The following LINGO2 variants were observed in gnomAD, a reference collection of about 807,000 sequenced individuals.
The protein encoded by LINGO2 is leucine rich repeat and Ig domain containing 2.
Under a neutral mutation model 30.6 loss-of-function variants are expected in LINGO2, and 14 were observed. That is an observed-to-expected ratio of 0.46 (90% CI 0.30 to 0.72). LINGO2 has a LOEUF of 0.72. Ranked by LOEUF, LINGO2 falls within the 30% of genes least tolerant of loss-of-function variation. The pLI is 0.07. For missense variants in LINGO2, 729 were observed against 751.7 expected (o/e 0.97, Z 0.35); for synonymous variants, 317 against 288.5 (o/e 1.10, Z -1.00).
At chr9:28,040,931 G>A (rs1204397927) in intron 4 of LINGO2, among the ~76,000 whole-genome samples, 2 of 152,124 alleles carry the variant, frequency 1.3e-5, no homozygotes, top group Non-Finnish European at 1.5e-5. Flanking sequence ...TTGACCTATA[G>A]TATATATTCT....
At chr9:28,498,983 T>C (rs1819777008) in intron 1 of LINGO2, among the ~76,000 whole-genome samples, 1 of 152,150 alleles carries the variant, frequency 6.6e-6, no homozygotes, top group East Asian at 1.9e-4. Flanking sequence ...TTTTTTGTCT[T>C]TAAATATCAG....
chr9:28,580,996 T>C (rs1388203674), intron 1 of LINGO2, among the ~76,000 whole-genome samples: 1 of 151,916 alleles, frequency 6.6e-6, no homozygotes, highest in Admixed American at 6.6e-5. Flanking sequence ...ATCAATTCAG[T>C]GGGTGCATAG....
chr9:28,595,302 T>G (rs79996181), intron 1 of LINGO2, among the ~76,000 whole-genome samples: 1 of 152,072 alleles, frequency 6.6e-6, no homozygotes, highest in African/African-American at 2.4e-5. Context: ...TTTGCTTGTT[T>G]GTTTGTTTAG....
At chr9:28,557,447 A>G (rs1206872234) in intron 1 of LINGO2, among the ~76,000 whole-genome samples, 2 of 152,144 alleles carry the variant, frequency 1.3e-5, no homozygotes, top group Non-Finnish European at 2.9e-5. Context: ...CCACAATGAG[A>G]TACCATCTCA....
At chr9:28,671,614 A>G (rs902541874), upstream of LINGO2, among the ~76,000 whole-genome samples, 2 of 152,086 alleles carry the variant, frequency 1.3e-5, no homozygotes, top group Middle Eastern at 3.4e-3. Context: ...ATACAAAGAA[A>G]GAAACTGGGG....
At chr9:28,695,884 A>C in the LINGO2 span, among the ~76,000 whole-genome samples, 2 of 151,930 alleles carry the variant, frequency 1.3e-5, no homozygotes, top group African/African-American at 4.8e-5. Flanking sequence ...AATGGTATTT[A>C]TTTTGGTTTG....
At chr9:28,050,304 G>A (rs759768376) in intron 4 of LINGO2, among the ~76,000 whole-genome samples, 8 of 150,764 alleles carry the variant, frequency 5.3e-5, no homozygotes, top group Admixed American at 4.0e-4. Context: ...TCACATGCTG[G>A]TAGGGAAGAC....
At chr9:28,131,944 T>C (rs953625278) in intron 4 of LINGO2, among the ~76,000 whole-genome samples, 1 of 152,140 alleles carries the variant, frequency 6.6e-6, no homozygotes, top group Non-Finnish European at 1.5e-5. Flanking sequence ...AGAAATAACA[T>C]AGATTTGGGG....
chr9:28,974,464 G>A, the LINGO2 span, among the ~76,000 whole-genome samples: 1 of 152,080 alleles, frequency 6.6e-6, no homozygotes, highest in Non-Finnish European at 1.5e-5. Flanking sequence ...TGTGTGGGCT[G>A]GAGGAGGAAG....
intron 3 of LINGO2, among the ~76,000 whole-genome samples, chr9:28,331,480 C>G (rs1217385581): frequency 1.3e-5 from 2 of 152,050 alleles, no homozygotes; most frequent in Admixed American, 6.6e-5. Flanking sequence ...ATAAATTCTT[C>G]CCACATAACT....
At chr9:28,249,085 T>C (rs1822104572) in intron 4 of LINGO2, among the ~76,000 whole-genome samples, 3 of 152,082 alleles carry the variant, frequency 2.0e-5, no homozygotes, top group African/African-American at 7.2e-5. Flanking sequence ...ACTTACATGA[T>C]TTGTGGGGAA....
At chr9:28,331,863 C>G (rs559352753) in intron 3 of LINGO2, among the ~76,000 whole-genome samples, 1 of 152,248 alleles carries the variant, frequency 6.6e-6, no homozygotes, top group East Asian at 1.9e-4. Context: ...TTGCTGATCA[C>G]CTTGCACATG....
intron 3 of LINGO2, among the ~76,000 whole-genome samples, chr9:28,369,116 C>T (rs938189257): frequency 2.0e-5 from 3 of 152,064 alleles, no homozygotes; most frequent in Non-Finnish European, 4.4e-5. Context: ...TCCTTAATCC[C>T]TACCTTTAAT....
At chr9:28,558,201 A>AT (rs1822853114) in intron 1 of LINGO2, among the ~76,000 whole-genome samples, 2 of 151,326 alleles carry the variant, frequency 1.3e-5, no homozygotes, top group African/African-American at 4.9e-5. Context: ...TGTTGAACCC[A>AT]TTTTTCACTA....
chr9:29,176,899 A>C, the LINGO2 span, among the ~76,000 whole-genome samples: 1 of 152,224 alleles, frequency 6.6e-6, no homozygotes, highest in Non-Finnish European at 1.5e-5. Context: ...TTATCATTTG[A>C]CTGACAAGGA....
chr9:28,909,102 A>G, the LINGO2 span, among the ~76,000 whole-genome samples: 1 of 151,952 alleles, frequency 6.6e-6, no homozygotes, highest in African/African-American at 2.4e-5. Context: ...TTCTCAAAGC[A>G]TGTCTTTATG....
intron 4 of LINGO2, among the ~76,000 whole-genome samples, chr9:28,149,990 C>T (rs1311677638): frequency 9.4e-5 from 14 of 149,332 alleles, no homozygotes; most frequent in Admixed American, 8.6e-4. Flanking sequence ...TCTGCCTTGC[C>T]GCTGTCCTGT....
At position 27,984,980 on chromosome 9, in the gene LINGO2, G is replaced by A. The variant is rs150147419; in HGVS notation, c.-36+27375C>T. ...TGCTGTAAACAATAGAGTTTTAGGG[G>A]AAGAGGTTGAACTGAAGTAAGCACT... is the stretch of plus-strand genomic sequence containing the variant. On this transcript the variant is annotated intron_variant, in intron 5 of 5. Coordinates refer to ENST00000379992, the Ensembl canonical transcript of LINGO2. Among the ~76,000 whole-genome samples, 556 of 151,932 alleles carry A rather than the reference G, an allele frequency of 3.7e-3. 10 individuals carry two copies. Among genetic ancestry groups the A allele is most frequent in the Non-Finnish European group, 5.0e-3 (336 of 67,872 alleles).
the LINGO2 span, among the ~76,000 whole-genome samples, chr9:29,204,722 G>A: frequency 6.6e-6 from 1 of 152,042 alleles, no homozygotes; most frequent in Non-Finnish European, 1.5e-5. Flanking sequence ...TGGACATTTG[G>A]AGTTTTTTCA....
Sources: gnomAD v4.1 joint callset for allele counts (sites outside exome capture counted in the v4.1 genomes callset) on GRCh38, gnomAD v4.1.1 for gene constraint, MANE v1.5 for transcripts, NCBI Gene and HGNC (gene_info 2026-07-23, HGNC 2026-07-21) for gene names.